Variants in MORC1 observed in about 807,000 individuals in gnomAD.
The protein encoded by MORC1 is MORC family CW-type zinc finger protein 1.
In MORC1, 59 loss-of-function variants were observed where a neutral mutation model predicts 134.9. The ratio of observed to expected loss-of-function variants is 0.44; its 90% CI spans 0.35 to 0.54. The LOEUF (loss-of-function observed/expected upper bound fraction) is 0.54. Among genes scored for constraint, MORC1 ranks in the 20% least tolerant of loss-of-function variants. The pLI, the probability that MORC1 is intolerant of heterozygous loss-of-function variation, is 0.00. For synonymous variants in MORC1, 395 were observed against 391.7 expected (o/e 1.01, Z -0.10); for missense variants, 947 against 1,134.5 (o/e 0.83, Z 2.37).
intron 14 of MORC1, among the ~76,000 whole-genome samples, chr3:109,044,929 A>G (rs1447114988): frequency 6.8e-6 from 1 of 146,806 alleles, no homozygotes; most frequent in South Asian, 2.2e-4. Flanking sequence ...TAGGCAACAG[A>G]GTGAGACTCT....
At chr3:109,101,659 A>G (rs1950927261) in intron 4 of MORC1, 1 of 152,254 alleles carries the variant, frequency 6.6e-6, no homozygotes, top group African/African-American at 2.4e-5. Context: ...GATATCCATA[A>G]TGACAATCTT....
chr3:109,100,406 A>C lies in MORC1; in HGVS notation c.314+11T>G, dbSNP rs1200838919. On this transcript the variant is annotated intron_variant, in intron 5 of 27. Coordinates refer to ENST00000232603, the MANE Select transcript of MORC1 (RefSeq NM_014429.4). Reference sequence around the variant, plus strand: ...CAATAATATATGTCTTAAGGGAAAAAAAATTCTCACCTTTTAAGACCATTG... The same window carrying C: ...CAATAATATATGTCTTAAGGGAAAACAAATTCTCACCTTTTAAGACCATTG... The C allele has an allele frequency of 6.3e-7, 1 of 1,599,932 alleles. No homozygotes were observed. The highest frequency in any genetic ancestry group is 1.7e-5 in the Admixed American group (1 of 59,988).
chr3:108,966,004 G>A (rs1302688648), intron 26 of MORC1, among the ~76,000 whole-genome samples: 1 of 152,158 alleles, frequency 6.6e-6, no homozygotes, highest in Non-Finnish European at 1.5e-5. Context: ...AGGAGGTTCT[G>A]CTAACCTCTC....
intron 24 of MORC1, among the ~76,000 whole-genome samples, chr3:108,977,909 G>C (rs2107431371): frequency 6.6e-6 from 1 of 152,178 alleles, no homozygotes; most frequent in Non-Finnish European, 1.5e-5. Context: ...ATGGAGTCTT[G>C]CTCTGTCACC....
chr3:108,983,803 G>C (rs539261422), intron 23 of MORC1, among the ~76,000 whole-genome samples: 56 of 152,306 alleles, frequency 3.7e-4, no homozygotes, highest in Non-Finnish European at 7.3e-4. Flanking sequence ...AAGGGTAACT[G>C]ACACTGGCAT....
At chr3:109,020,097 G>T (rs778084741) in intron 17 of MORC1, among the ~76,000 whole-genome samples, 1 of 152,048 alleles carries the variant, frequency 6.6e-6, no homozygotes, top group Non-Finnish European at 1.5e-5. Context: ...TTTATAGTTT[G>T]GTATTTTCTG....
chr3:108,985,003 G>C (rs1329120624), intron 22 of MORC1, among the ~76,000 whole-genome samples: 1 of 152,204 alleles, frequency 6.6e-6, no homozygotes, highest in Admixed American at 6.5e-5. Context: ...AGTTATCCAA[G>C]AGAGTGTAGC....
In MORC1 at chr3:109,057,236, T is replaced by C. The variant is rs75009073; in HGVS notation, c.1175+107A>G. 2,352 of 1,177,378 alleles carry C rather than the reference T, an allele frequency of 2.0e-3. 34 individuals carry two copies. The African/African-American group carries it at 0.032, about 16-fold the overall frequency. 72.9% of individuals were successfully genotyped at this position (1,177,378 alleles called of 1,614,324 possible). Reference sequence around the variant, plus strand: ...CAACAGGAAGGGTGAACAGAGACTATGACACTTGCTCCCATTGTGATTAGT... The same window carrying C: ...CAACAGGAAGGGTGAACAGAGACTACGACACTTGCTCCCATTGTGATTAGT... On this transcript the variant is annotated intron_variant, in intron 13 of 27. Transcript: ENST00000232603.
At position 109,103,843 on chromosome 3, in the gene MORC1, A is replaced by T; in HGVS notation, c.223+6T>A. The T allele has an allele frequency of 6.2e-7, 1 of 1,612,036 alleles. No individual in the cohort carries two copies. The highest frequency in any genetic ancestry group is 8.5e-7 in the Non-Finnish European group (1 of 1,178,236). ...AGCCAGTTAGGTATCTAGATAATTAACTTACCAGGGCTCATGCCACATCCA... is the reference window on the plus strand; with the variant it reads ...AGCCAGTTAGGTATCTAGATAATTATCTTACCAGGGCTCATGCCACATCCA... On this transcript the variant is annotated splice_donor_region_variant and intron_variant, in intron 4 of 27. Transcript: ENST00000232603.
At chr3:109,108,269 T>C (rs1275082877) in intron 3 of MORC1, among the ~76,000 whole-genome samples, 1 of 152,194 alleles carries the variant, frequency 6.6e-6, no homozygotes, top group Non-Finnish European at 1.5e-5. Context: ...AACTGAGTAC[T>C]TAGAGAAAGT....
Position 109,005,289 on chromosome 3 carries a change from C to T in MORC1, c.1794G>A (p.Arg598=), listed in dbSNP as rs1948511968. 2 of 1,595,772 alleles carry T rather than the reference C, an allele frequency of 1.3e-6. No individual in the cohort carries two copies. The highest frequency in any genetic ancestry group is 1.7e-6 in the Non-Finnish European group (2 of 1,175,302). Residue 598 remains arginine, a synonymous_variant, in exon 19 of 28, where the codon AGG becomes AGA. Coordinates refer to ENST00000232603, the MANE Select transcript of MORC1 (RefSeq NM_014429.4). ...CATGCTTCAAGTCATCGCCCAAAAG[C>T]CTGATTTTCTGGGTTTTGGTATTTT... is the stretch of plus-strand genomic sequence containing the variant. ...HKENTKTQKI[R]LLGDDLKHES... is the part of the protein sequence containing the mutation.
chr3:109,004,976 A>G, intron 19 of MORC1, 88 bp from the exon 20 acceptor site: 2 of 1,573,028 alleles, frequency 1.3e-6, no homozygotes, highest in Non-Finnish European at 8.6e-7. Flanking sequence ...TTATAATTAA[A>G]GTGTCTTAAA....
rs768447436 is a variant in MORC1 at position 109,094,977 on chromosome 3, T to C, written c.515A>G (p.Tyr172Cys). 1.7e-5 allele frequency: 27 copies of C among 1,596,118 alleles called. No individual in the cohort carries two copies. The highest frequency in any genetic ancestry group is 2.1e-5 in the Non-Finnish European group (25 of 1,175,232). The change falls in exon 7 of 28, where the codon TAT becomes TGT. Residue 172 changes from tyrosine to cysteine, a missense_variant. Around this residue, in one of 3 missense-constraint regions of MORC1, gnomAD observed 214 missense variants for 281.3 expected, o/e 0.76. Coordinates refer to ENST00000232603, the MANE Select transcript of MORC1 (RefSeq NM_014429.4). Reference sequence around the variant, plus strand: ...TTCAGTTTTAAATGGGGAGTATTTATAAATTATAGATAATTCCATTGCAAA... The same window carrying C: ...TTCAGTTTTAAATGGGGAGTATTTACAAATTATAGATAATTCCATTGCAAA... ...QKFAMELSII[Y>C]KYSPFKTEAE...
At chr3:109,029,794 A>G (rs1949196228) in intron 16 of MORC1, among the ~76,000 whole-genome samples, 1 of 152,244 alleles carries the variant, frequency 6.6e-6, no homozygotes, top group South Asian at 2.1e-4. Context: ...AAGTATCTGA[A>G]TGAAACTAGG....
At chr3:108,963,320 G>C in intron 27 of MORC1, 94 bp downstream of exon 27, 1 of 1,044,818 alleles carries the variant, frequency 9.6e-7, no homozygotes, top group Non-Finnish European at 1.4e-6. Context: ...GACTTGTCCA[G>C]GTCAGTAAGT....
rs769256628 is a variant in MORC1, at chr3:109,054,852, A to G, written c.1206T>C (p.Asn402=). ...ATGGTTCCATGACCTCCAAGGGTAT[A>G]TTAACAATTCCAACCACGCCTGCGC... ...LLGAGVVGIV[N]IPLEVMEPSH... Residue 402 remains asparagine (N), a synonymous_variant, in exon 14 of 28, where the codon AAT becomes AAC. Transcript: ENST00000232603. 8.7e-6 allele frequency: 14 copies of G among 1,604,630 alleles called. 1 individual carries two copies. The South Asian group carries it at 1.0e-4, about 12-fold the overall frequency.
chr3:108,979,413 T>C, intron 24 of MORC1, 102 bp downstream of exon 24: 4 of 1,267,742 alleles, frequency 3.2e-6, no homozygotes, highest in Non-Finnish European at 4.5e-6. Flanking sequence ...CTCTACTGAA[T>C]TTATTCAGTA....
In MORC1 at chr3:108,971,428, G is replaced by A. The variant is rs368496646; in HGVS notation, c.2478-26C>T. The A allele has an allele frequency of 3.5e-5, 55 of 1,588,642 alleles. No individual in the cohort carries two copies. In the African/African-American group the frequency reaches 7.1e-4, roughly 21 times the overall value. ...CTAGGAATACAAGCACAGCAGATAT[G>A]GGAATATACTAGGATAACAGAGGTA... is the stretch of plus-strand genomic sequence containing the variant. On this transcript the variant is annotated intron_variant, in intron 24 of 27. Coordinates refer to ENST00000232603, the MANE Select transcript of MORC1 (RefSeq NM_014429.4).
chr3:109,113,428 G>A (rs1259266746), intron 2 of MORC1, among the ~76,000 whole-genome samples: 1 of 152,066 alleles, frequency 6.6e-6, no homozygotes, highest in Non-Finnish European at 1.5e-5. Context: ...TACACTTTGT[G>A]GTCACACTCT....
Sources: allele counts gnomAD v4.1 joint callset (sites outside exome capture counted in the v4.1 genomes callset), GRCh38; gene constraint gnomAD v4.1.1; regional missense constraint gnomAD v4.1.1; transcripts MANE v1.5; gene names NCBI Gene and HGNC (gene_info 2026-07-23, HGNC 2026-07-21).